The following CAMKMT variants were observed in gnomAD, a reference collection of about 807,000 sequenced individuals.
CAMKMT encodes calmodulin-lysine N-methyltransferase.
Under a neutral mutation model 48.0 loss-of-function variants are expected in CAMKMT, and 53 were observed. That is an observed-to-expected ratio of 1.10 (90% CI 0.89 to 1.39). The LOEUF (loss-of-function observed/expected upper bound fraction) is 1.39. Ranked by LOEUF, CAMKMT falls within the 40% of genes most tolerant of loss-of-function variation. The pLI, the probability that CAMKMT is intolerant of heterozygous loss-of-function variation, is 0.00. For synonymous variants in CAMKMT, 165 were observed against 152.3 expected (o/e 1.08, Z -0.61); for missense variants, 428 against 402.7 (o/e 1.06, Z -0.54).
At chr2:44,444,196 G>T (rs1351914750) in intron 3 of CAMKMT, among the ~76,000 whole-genome samples, 2 of 152,140 alleles carry the variant, frequency 1.3e-5, no homozygotes, top group African/African-American at 4.8e-5. Context: ...GCACCGTGTT[G>T]GATACCATAG....
intron 3 of CAMKMT, among the ~76,000 whole-genome samples, chr2:44,525,506 G>A (rs545401836): frequency 1.8e-4 from 28 of 152,190 alleles, no homozygotes; most frequent in Middle Eastern, 3.4e-3. Flanking sequence ...CACCCTCCTC[G>A]GCCTCCCAAA....
chr2:44,560,576 G>T (rs1432812585), intron 3 of CAMKMT, among the ~76,000 whole-genome samples: 1 of 152,094 alleles, frequency 6.6e-6, no homozygotes, highest in African/African-American at 2.4e-5. Context: ...CCAGCAGGTG[G>T]CATCCTTCTA....
chr2:44,621,926 C>T (rs1471519433), intron 3 of CAMKMT, among the ~76,000 whole-genome samples: 2 of 151,848 alleles, frequency 1.3e-5, no homozygotes, highest in Non-Finnish European at 2.9e-5. Flanking sequence ...GTGGTGGTGG[C>T]AATAGTAATG....
chr2:44,703,860 G>A (rs1009142652), intron 3 of CAMKMT, among the ~76,000 whole-genome samples: 1 of 151,794 alleles, frequency 6.6e-6, no homozygotes, highest in South Asian at 2.1e-4. Flanking sequence ...TGACGTCAGT[G>A]GTTTTGTTTG....
At chr2:44,388,017 T>C (rs1680944039) in intron 2 of CAMKMT, among the ~76,000 whole-genome samples, 1 of 152,192 alleles carries the variant, frequency 6.6e-6, no homozygotes, top group Admixed American at 6.5e-5. Flanking sequence ...TGGGTGATGA[T>C]CCTTTTGTGA....
chr2:44,421,034 T>C (rs539130051), intron 3 of CAMKMT, among the ~76,000 whole-genome samples: 39 of 152,268 alleles, frequency 2.6e-4, no homozygotes, highest in African/African-American at 9.1e-4. Context: ...CTTTGAATAT[T>C]TGTTAGGGTA....
chr2:44,534,013 C>CTT (rs1235555086), intron 3 of CAMKMT, among the ~76,000 whole-genome samples: 1 of 152,054 alleles, frequency 6.6e-6, no homozygotes, highest in Non-Finnish European at 1.5e-5. Flanking sequence ...CATGTATAGA[C>CTT]TGTAAGTAAA....
At chr2:44,631,210 A>T (rs1309157926) in intron 3 of CAMKMT, among the ~76,000 whole-genome samples, 1 of 152,134 alleles carries the variant, frequency 6.6e-6, no homozygotes, top group South Asian at 2.1e-4. Flanking sequence ...GACCACATGG[A>T]CACAGGAAGG....
intron 3 of CAMKMT, among the ~76,000 whole-genome samples, chr2:44,470,284 G>A (rs1668345951): frequency 1.3e-5 from 2 of 151,906 alleles, no homozygotes; most frequent in South Asian, 4.2e-4. Context: ...TTTTTACCTG[G>A]GTCATTTCTT....
chr2:44,433,315 G>T (rs1684758854), intron 3 of CAMKMT, among the ~76,000 whole-genome samples: 1 of 152,098 alleles, frequency 6.6e-6, no homozygotes, highest in African/African-American at 2.4e-5. Context: ...CATGACTGAT[G>T]CAATAGAAGT....
chr2:44,605,060 C>T (rs1671207996), intron 3 of CAMKMT, among the ~76,000 whole-genome samples: 1 of 152,156 alleles, frequency 6.6e-6, no homozygotes, highest in Non-Finnish European at 1.5e-5. Context: ...TTCTCACCTT[C>T]TGTCTGTCTT....
At chr2:44,754,997 T>A (rs906855054) in intron 9 of CAMKMT, among the ~76,000 whole-genome samples, 26 of 152,220 alleles carry the variant, frequency 1.7e-4, no homozygotes, top group Admixed American at 5.2e-4. Context: ...AGTATTTTTT[T>A]AAAAAGGTCC....
intron 3 of CAMKMT, among the ~76,000 whole-genome samples, chr2:44,571,502 A>G (rs1668899608): frequency 6.6e-6 from 1 of 152,210 alleles, no homozygotes; most frequent in South Asian, 2.1e-4. Context: ...ACTTTTTTAA[A>G]TTAATGTAAT....
chr2:44,700,784 A>G (rs1677214290), intron 3 of CAMKMT, among the ~76,000 whole-genome samples: 1 of 152,254 alleles, frequency 6.6e-6, no homozygotes, highest in Non-Finnish European at 1.5e-5. Flanking sequence ...TCACAGAGAC[A>G]CTAGTTGAGC....
rs115913323 is a variant in CAMKMT at position 44,468,298 on chromosome 2, T to C, written c.376+77993T>C. Among the ~76,000 whole-genome samples, 728 of 152,264 alleles carry C rather than the reference T, an allele frequency of 4.8e-3. 6 individuals are homozygous for C. Among genetic ancestry groups the C allele is most frequent in the African/African-American group, 0.017 (697 of 41,542 alleles). ...AAAGTATAAATCAAAACCATGATGA[T>C]ATATCATCTCTCACTCCAGGTACAA... On this transcript the variant is annotated intron_variant, in intron 3 of 10. Coordinates refer to ENST00000378494, the MANE Select transcript of CAMKMT (RefSeq NM_024766.5).
At chr2:44,595,476 C>G (rs1670597422) in intron 3 of CAMKMT, among the ~76,000 whole-genome samples, 1 of 152,154 alleles carries the variant, frequency 6.6e-6, no homozygotes, top group South Asian at 2.1e-4. Context: ...CTACAAACCA[C>G]TGCTCAAGGA....
At chr2:44,485,180 T>C (rs1352696423) in intron 3 of CAMKMT, among the ~76,000 whole-genome samples, 1 of 152,218 alleles carries the variant, frequency 6.6e-6, no homozygotes, top group South Asian at 2.1e-4. Flanking sequence ...GCATCCTGTT[T>C]CCTGGCAATT....
At position 44,689,970 on chromosome 2, in the gene CAMKMT, T is replaced by A. The variant is rs183689631; in HGVS notation, c.377-14313T>A. Among the ~76,000 whole-genome samples, 394 of 152,336 alleles carry A rather than the reference T, an allele frequency of 2.6e-3. 1 individual carries two copies. Among genetic ancestry groups the A allele is most frequent in the Middle Eastern group, 6.8e-3 (2 of 294 alleles). On this transcript the variant is annotated intron_variant, in intron 3 of 10. Transcript: ENST00000378494. Reference sequence around the variant, plus strand: ...GTTTTCTGTTATTAATATGCTTGATTAACTAAATAAGCATTCACATCTAGT... The same window carrying A: ...GTTTTCTGTTATTAATATGCTTGATAAACTAAATAAGCATTCACATCTAGT...
chr2:44,678,159 C>A (rs139480554), intron 3 of CAMKMT, among the ~76,000 whole-genome samples: 10 of 152,138 alleles, frequency 6.6e-5, no homozygotes, highest in African/African-American at 2.2e-4. Flanking sequence ...ACCAACAAAA[C>A]CCCAAACAAT....
Sources: allele counts gnomAD v4.1 joint callset (sites outside exome capture counted in the v4.1 genomes callset), GRCh38; gene constraint gnomAD v4.1.1; transcripts MANE v1.5; gene names NCBI Gene and HGNC (gene_info 2026-07-23, HGNC 2026-07-21).